Variants in PRADC1 observed in about 807,000 individuals in gnomAD.
PRADC1 encodes the protein protease-associated domain-containing protein 1.
In PRADC1, 23 loss-of-function variants were observed where a neutral mutation model predicts 22.9. The observed-to-expected ratio is 1.00, with a 90% confidence interval of 0.72 to 1.42. PRADC1 has a LOEUF of 1.42. PRADC1 is among the 40% of genes most tolerant of loss of function. The pLI, the probability that PRADC1 is intolerant of heterozygous loss-of-function variation, is 0.00. For missense variants in PRADC1, 207 were observed against 258.3 expected, an observed-to-expected ratio of 0.80 and a Z score of 1.36; for synonymous variants, 71 against 100.3, an observed-to-expected ratio of 0.71 and a Z score of 1.75.
rs746937817 is a variant in PRADC1 at position 73,230,230 on chromosome 2, A to G, written c.68-17T>C. The G allele has an allele frequency of 3.2e-6, 5 of 1,576,606 alleles. No individual in the cohort carries two copies. Among genetic ancestry groups the G allele is most frequent in the Non-Finnish European group, 4.4e-6 (5 of 1,146,040 alleles). ...TACGGAAGCCTGAAGGATAAAGAGT[A>G]CAGGTAAGAAGCCTCCCAGGAACAA... On this transcript the variant is annotated splice_polypyrimidine_tract_variant and intron_variant, in intron 1 of 4. Transcript: ENST00000258083.
In PRADC1 at chr2:73,228,970, AGGT is replaced by A. The variant is rs754684893; in HGVS notation, c.279-11_279-9del. The A allele has an allele frequency of 6.8e-5, 109 of 1,613,298 alleles. No homozygotes were observed. In the South Asian group the frequency reaches 1.2e-3, roughly 17 times the overall value. On this transcript the variant is annotated splice_polypyrimidine_tract_variant and intron_variant, in intron 3 of 4. Coordinates refer to ENST00000258083, the MANE Select transcript of PRADC1 (RefSeq NM_032319.3). The surrounding 1 kb of genome is among the most constrained non-coding windows in gnomAD (Gnocchi z 4.0). ...GAGAGGAAGGAGCAGCCCCTGGAAG[AGGT>A]GGTGATAAGACCAAAGGAAAGACAG...
rs905598533 is a variant in PRADC1 at position 73,228,495 on chromosome 2, G to A, written c.526C>T (p.Pro176Ser). Residue 176 changes from proline to serine, a missense_variant, in exon 5 of 5, where the codon CCC becomes TCC. By Grantham distance (74) the Pro-to-Ser change is moderately conservative. Coordinates refer to ENST00000258083, the MANE Select transcript of PRADC1 (RefSeq NM_032319.3). This position sits in a 1 kb window ranked among gnomAD's most constrained non-coding sequence, Gnocchi z 4.0. ...ISIPVNVTSI[P>S]TFELLQPPWT... Reference sequence around the variant, plus strand: ...GGCGGTTGCAGCAGCTCAAAGGTGGGGATGCTGGTGACATTGACTGGGATG... The same window carrying A: ...GGCGGTTGCAGCAGCTCAAAGGTGGAGATGCTGGTGACATTGACTGGGATG... 2.5e-6 allele frequency: 4 copies of A among 1,614,082 alleles called. No homozygotes were observed. Among genetic ancestry groups the A allele is most frequent in the Non-Finnish European group, 3.4e-6 (4 of 1,180,046 alleles).
At position 73,228,283 on chromosome 2, in the gene PRADC1, G is replaced by A; in HGVS notation, c.*171C>T. The A allele has an allele frequency of 2.6e-6, 2 of 767,924 alleles. No individual in the cohort carries two copies. The highest frequency in any genetic ancestry group is 5.5e-5 in the East Asian group (2 of 36,108). The allele number at this position is 767,924 out of a possible 1,614,324, so 47.6% of individuals were successfully genotyped here. On this transcript the variant is annotated 3_prime_UTR_variant, in exon 5 of 5. Coordinates refer to ENST00000258083, the MANE Select transcript of PRADC1 (RefSeq NM_032319.3). The surrounding 1 kb of genome is among the most constrained non-coding windows in gnomAD (Gnocchi z 4.0). ...AGACACCCTTGGGGGCCCTGGGGAA[G>A]GGAAGGCCAGTGGTGTGGCTTCCCT...
intron 2 of PRADC1, 168 bp downstream of exon 2, chr2:73,229,945 G>A: frequency 1.6e-6 from 1 of 618,364 alleles, no homozygotes; most frequent in Non-Finnish European, 2.9e-6. Flanking sequence ...ATTATACTCA[G>A]GGGAGTAGCT....
intron 1 of PRADC1, among the ~76,000 whole-genome samples, chr2:73,231,565 C>T (rs34750067): frequency 0.35 from 52,573 of 151,968 alleles, 9,115 homozygotes; most frequent in East Asian, 0.38. Flanking sequence ...TACAGGCGTG[C>T]GCCACCATGC....
At chr2:73,230,424 C>T (rs2288630) in intron 1 of PRADC1, among the ~76,000 whole-genome samples, 83,263 of 152,144 alleles carry the variant, frequency 0.55, 24,561 homozygotes, top group African/African-American at 0.8. Flanking sequence ...ACCCCAGAGG[C>T]TTATATCAGC....
rs1268326117 is a variant in PRADC1 at position 73,228,338 on chromosome 2, C to T, written c.*116G>A. 5 of 1,355,704 alleles carry T rather than the reference C, an allele frequency of 3.7e-6. No homozygotes were observed. The highest frequency in any genetic ancestry group is 3.1e-6 in the Non-Finnish European group (3 of 981,300). 84.0% of individuals were successfully genotyped at this position (1,355,704 alleles called of 1,614,324 possible). On this transcript the variant is annotated 3_prime_UTR_variant, in exon 5 of 5. Coordinates refer to ENST00000258083, the MANE Select transcript of PRADC1 (RefSeq NM_032319.3). This position sits in a 1 kb window ranked among gnomAD's most constrained non-coding sequence, Gnocchi z 4.0. ...GCCTAGCAACGCCCAAACCCTTTTC[C>T]TCTACCTGGCTCCACTTGTCCCCAG...
rs377378648 is a variant in PRADC1 at position 73,229,493 on chromosome 2, G to A, written c.246C>T (p.Phe82=). The A allele has an allele frequency of 5.8e-5, 94 of 1,609,248 alleles. No homozygotes were observed. The highest frequency in any genetic ancestry group is 7.8e-5 in the Non-Finnish European group (92 of 1,178,656). ...CCACCAGAGCAATCTGGTCCTGGAT[G>A]AAGAAACCGTTGCTGAGTTCCCCGC... ...EACGELSNGF[F]IQDQIALVER... Residue 82 remains phenylalanine (F), a synonymous_variant, in exon 3 of 5, where the codon TTC becomes TTT. Transcript: ENST00000258083.
chr2:73,230,092 CA>C lies in PRADC1; in HGVS notation c.168+20del. 6.5e-7 allele frequency: 1 copy of C among 1,533,508 alleles called. No homozygotes were observed. Among genetic ancestry groups the C allele is most frequent in the Non-Finnish European group, 9.0e-7 (1 of 1,107,782 alleles). 95.0% of individuals were successfully genotyped at this position (1,533,508 alleles called of 1,614,324 possible). A position where few individuals can be genotyped will look rare whatever the true frequency, so the allele number is the denominator to read the frequency against. The stretch of plus-strand genomic sequence containing the variant: ...AAGGGGGAGGTTGAGGATCAGAGAT[CA>C]GGGGCCTCCCTTAACTTACAAAGAT... On this transcript the variant is annotated intron_variant, in intron 2 of 4. Coordinates refer to ENST00000258083, the MANE Select transcript of PRADC1 (RefSeq NM_032319.3).
In PRADC1 at chr2:73,228,641, C is replaced by G; in HGVS notation, c.447-67G>C. ...GTACCCCATCATGCCCCACTGTCCC[C>G]ATCAATCTGGGAGTTCCAAAGCCCG... On this transcript the variant is annotated intron_variant, in intron 4 of 4. Coordinates refer to ENST00000258083, the MANE Select transcript of PRADC1 (RefSeq NM_032319.3). This position sits in a 1 kb window ranked among gnomAD's most constrained non-coding sequence, Gnocchi z 4.0. The G allele has an allele frequency of 6.2e-7, 1 of 1,608,996 alleles. No homozygotes were observed. Among genetic ancestry groups the G allele is most frequent in the Non-Finnish European group, 8.5e-7 (1 of 1,176,530 alleles).
At position 73,229,491 on chromosome 2, in the gene PRADC1, A is replaced by G. The variant is rs1365148143; in HGVS notation, c.248T>C (p.Ile83Thr). 1.9e-6 allele frequency: 3 copies of G among 1,607,178 alleles called. No homozygotes were observed. In the African/African-American group the frequency reaches 4.2e-5, roughly 23 times the overall value. Reference protein sequence around the residue: ...ACGELSNGFFIQDQIALVERG... With the variant: ...ACGELSNGFFTQDQIALVERG... ...CTCCACCAGAGCAATCTGGTCCTGG[A>G]TGAAGAAACCGTTGCTGAGTTCCCC... Residue 83 changes from isoleucine to threonine, a missense_variant, in exon 3 of 5, where the codon ATC (isoleucine) becomes ACC (threonine). By Grantham distance (89) the Ile-to-Thr change is moderately conservative. Transcript: ENST00000258083.
chr2:73,229,694 G>C (rs1320164206), intron 2 of PRADC1, 124 bp from the exon 3 acceptor site: 4 of 739,148 alleles, frequency 5.4e-6, no homozygotes, highest in Non-Finnish European at 9.3e-6. Context: ...AGTGGTTTCT[G>C]TATCGCCAGA....
In PRADC1 at chr2:73,233,182, G is replaced by T; in HGVS notation, c.-22C>A. 7.5e-7 allele frequency: 1 copy of T among 1,333,576 alleles called. No homozygotes were observed. The highest frequency in any genetic ancestry group is 9.6e-7 in the Non-Finnish European group (1 of 1,040,244). 82.6% of individuals were successfully genotyped at this position (1,333,576 alleles called of 1,614,324 possible). The stretch of plus-strand genomic sequence containing the variant: ...CCATCTCCAGGGCCGGGCCCGGCCC[G>T]GCGCCGCGTTTCCTCTCGCCGCCCC... On this transcript the variant is annotated 5_prime_UTR_variant, in exon 1 of 5. Coordinates refer to ENST00000258083, the MANE Select transcript of PRADC1 (RefSeq NM_032319.3).
In PRADC1 at chr2:73,228,564, G is replaced by A. The variant is rs779009714; in HGVS notation, c.457C>T (p.Arg153Cys). The change falls in exon 5 of 5, where the codon CGC becomes TGC. Residue 153 changes from arginine (R) to cysteine (C), a missense_variant. Physicochemically the swap from Arg to Cys is radical, Grantham distance 180. Coordinates refer to ENST00000258083, the MANE Select transcript of PRADC1 (RefSeq NM_032319.3). This position sits in a 1 kb window ranked among gnomAD's most constrained non-coding sequence, Gnocchi z 4.0. Reference protein sequence around the residue: ...FLLGRDGYMIRRSLEQHGLPW... With the variant: ...FLLGRDGYMICRSLEQHGLPW... ...AGCCCATGCTGTTCCAGAGAGCGGCGGATCATGTAGCTGGGAGGGCATGAA... is the reference window on the plus strand; with the variant it reads ...AGCCCATGCTGTTCCAGAGAGCGGCAGATCATGTAGCTGGGAGGGCATGAA... 28 of 1,613,952 alleles carry A rather than the reference G, an allele frequency of 1.7e-5. No individual in the cohort carries two copies. The highest frequency in any genetic ancestry group is 6.7e-5 in the East Asian group (3 of 44,896).
chr2:73,228,740 C>G lies in PRADC1; in HGVS notation c.446+55G>C. On this transcript the variant is annotated intron_variant, in intron 4 of 4. Coordinates refer to ENST00000258083, the MANE Select transcript of PRADC1 (RefSeq NM_032319.3). The surrounding 1 kb of genome is among the most constrained non-coding windows in gnomAD (Gnocchi z 4.0). ...AGAAGGGACTGGTGATTACCCCTGACCCAGTCATGGCGCCCAGCCTGGTGC... is the reference window on the plus strand; with the variant it reads ...AGAAGGGACTGGTGATTACCCCTGAGCCAGTCATGGCGCCCAGCCTGGTGC... The G allele has an allele frequency of 6.3e-7, 1 of 1,590,628 alleles. No individual in the cohort carries two copies. The highest frequency in any genetic ancestry group is 2.2e-5 in the East Asian group (1 of 44,542).
intron 1 of PRADC1, among the ~76,000 whole-genome samples, chr2:73,231,616 C>A (rs1017650626): frequency 6.6e-6 from 1 of 151,628 alleles, no homozygotes; most frequent in Non-Finnish European, 1.5e-5. Flanking sequence ...GAGAGGGTTT[C>A]GCCATGTTGA....
rs992222162 is a variant in PRADC1, at chr2:73,229,560, T to G, written c.179A>C (p.Tyr60Ser). The change falls in exon 3 of 5, where the codon TAT (tyrosine) becomes TCT (serine). Residue 60 changes from tyrosine (Y) to serine (S), a missense_variant. Physicochemically the swap from Tyr to Ser is moderately radical, Grantham distance 144. Transcript: ENST00000258083. ...KDFGGIFHTR[Y>S]EQIHLVPAEP... is the part of the protein sequence containing the mutation. ...AGCGGGGACAAGGTGAATCTGCTCA[T>G]ACCTTGTGTGCTGAAAAACATTTAA... 1 of 1,612,878 alleles carries G rather than the reference T, an allele frequency of 6.2e-7. No individual in the cohort carries two copies. The highest frequency in any genetic ancestry group is 1.3e-5 in the African/African-American group (1 of 74,808).
At position 73,229,562 on chromosome 2, in the gene PRADC1, C is replaced by T; in HGVS notation, c.177G>A (p.Arg59=). 6.2e-7 allele frequency: 1 copy of T among 1,613,560 alleles called. No homozygotes were observed. Among genetic ancestry groups the T allele is most frequent in the African/African-American group, 1.3e-5 (1 of 74,902 alleles). The part of the protein sequence containing the change: ...AKDFGGIFHT[R]YEQIHLVPAE... ...CGGGGACAAGGTGAATCTGCTCATA[C>T]CTTGTGTGCTGAAAAACATTTAACA... Residue 59 remains arginine (R), a synonymous_variant, in exon 3 of 5, where the codon AGG becomes AGA. Coordinates refer to ENST00000258083, the MANE Select transcript of PRADC1 (RefSeq NM_032319.3).
At chr2:73,231,525 T>C (rs547089414) in intron 1 of PRADC1, among the ~76,000 whole-genome samples, 1 of 152,270 alleles carries the variant, frequency 6.6e-6, no homozygotes, top group Admixed American at 6.5e-5. Context: ...CAAGCGATTC[T>C]CATGCCTCAG....
Sources: gnomAD v4.1 joint callset for allele counts (sites outside exome capture counted in the v4.1 genomes callset) on GRCh38, gnomAD v4.1.1 for gene constraint, Gnocchi (gnomAD v3.1) non-coding constraint, MANE v1.5 for transcripts, NCBI Gene and HGNC (gene_info 2026-07-23, HGNC 2026-07-21) for gene names.